The following DPYSL3 variants were observed in gnomAD, a reference collection of about 807,000 sequenced individuals.
The protein encoded by DPYSL3 is dihydropyrimidinase-related protein 3.
DPYSL3 carries 16 observed loss-of-function variants against 66.1 expected under a neutral mutation model. The observed-to-expected ratio is 0.24, with a 90% CI of 0.16 to 0.37. The LOEUF is 0.37. Ranked by LOEUF, DPYSL3 falls within the 10% of genes least tolerant of loss-of-function variation. DPYSL3 has a pLI of 1.00. For missense variants in DPYSL3, 738 were observed against 916.2 expected (o/e 0.81, Z 2.51); for synonymous variants, 338 against 345.1 (o/e 0.98, Z 0.23).
chr5:147,437,845 T>C lies in DPYSL3; in HGVS notation c.382-12882A>G, dbSNP rs987576368. On this transcript the variant is annotated intron_variant, in intron 1 of 13. Coordinates refer to ENST00000343218, the MANE Select transcript of DPYSL3 (RefSeq NM_001197294.2). ...AATAATATCTTTTTCAAAGGAATGC[T>C]GTGAGGATGAAGCCCAGATTCTCAA... Among the ~76,000 whole-genome samples the C allele has an allele frequency of 4.6e-5, 7 of 152,342 alleles. No individual in the cohort carries two copies. In the South Asian group the frequency reaches 1.2e-3, roughly 27 times the overall value.
chr5:147,413,248 T>C (rs763601168), intron 5 of DPYSL3, among the ~76,000 whole-genome samples: 2 of 152,106 alleles, frequency 1.3e-5, no homozygotes, highest in Non-Finnish European at 1.5e-5. Context: ...ATTATTCCAA[T>C]CAGCAGAAGG....
rs186816994 is a variant in DPYSL3, at chr5:147,471,918, C to T, written c.381+37560G>A. ...TTAGTCCAGGCGTTTACATCTCTCC[C>T]GCTCTCTCTTTCTTCTCCCACTCCT... On this transcript the variant is annotated intron_variant, in intron 1 of 13. Coordinates refer to ENST00000343218, the MANE Select transcript of DPYSL3 (RefSeq NM_001197294.2). Among the ~76,000 whole-genome samples, 85 of 152,254 alleles carry T rather than the reference C, an allele frequency of 5.6e-4. 1 individual carries two copies. The South Asian group carries it at 7.3e-3, about 13-fold the overall frequency.
chr5:147,467,547 C>CAT (rs1753028916), intron 1 of DPYSL3, among the ~76,000 whole-genome samples: 3 of 152,174 alleles, frequency 2.0e-5, no homozygotes, highest in Admixed American at 2.0e-4. Flanking sequence ...TAATAGAGTA[C>CAT]ATATACAGAA....
rs536053378 is a variant in DPYSL3, at chr5:147,440,919, A to G, written c.382-15956T>C. On this transcript the variant is annotated intron_variant, in intron 1 of 13. Transcript: ENST00000343218. ...TAGTTCTGCCAGTTAGTTAATAATG[A>G]TGTAACTTGAGGTAAATTAACTTTC... Among the ~76,000 whole-genome samples, 3 of 152,326 alleles carry G rather than the reference A, an allele frequency of 2.0e-5. No individual in the cohort carries two copies. The South Asian group carries it at 6.2e-4, about 32-fold the overall frequency.
At position 147,494,996 on chromosome 5, in the gene DPYSL3, C is replaced by T. The variant is rs547369037; in HGVS notation, c.381+14482G>A. ...CCTCGAAAGGCATAATTTGCCAAAACTCCCACAAGAAGAAATTGAAAATTT... is the reference window on the plus strand; with the variant it reads ...CCTCGAAAGGCATAATTTGCCAAAATTCCCACAAGAAGAAATTGAAAATTT... On this transcript the variant is annotated intron_variant, in intron 1 of 13. Transcript: ENST00000343218. Among the ~76,000 whole-genome samples the T allele has an allele frequency of 4.6e-5, 7 of 152,080 alleles. No individual in the cohort carries two copies. The South Asian group carries it at 1.5e-3, about 32-fold the overall frequency.
At chr5:147,431,218 T>TTCTAAGATAGTCCAG (rs1752309491) in intron 1 of DPYSL3, among the ~76,000 whole-genome samples, 1 of 152,188 alleles carries the variant, frequency 6.6e-6, no homozygotes, top group Non-Finnish European at 1.5e-5. Flanking sequence ...AAACCAGACA[T>TTCTAAGATAGTCCAG]TCTAAGATAG....
intron 6 of DPYSL3, among the ~76,000 whole-genome samples, chr5:147,410,613 T>C (rs779248316): frequency 4.6e-5 from 7 of 152,162 alleles, no homozygotes; most frequent in Non-Finnish European, 8.8e-5. Context: ...GCTTGGCGTA[T>C]AGTAGATGCT....
chr5:147,424,808 C>A, intron 2 of DPYSL3, 67 bp downstream of exon 2: 1 of 1,217,798 alleles, frequency 8.2e-7, no homozygotes, highest in South Asian at 1.4e-5. Context: ...GTAATCCAAC[C>A]TCCTTTATGA....
At chr5:147,472,791 G>A (rs1367095767) in intron 1 of DPYSL3, 3 of 151,914 alleles carry the variant, frequency 2.0e-5, no homozygotes, top group East Asian at 1.9e-4. Flanking sequence ...TCTGTACTAC[G>A]TCTCTTGCTT....
chr5:147,402,386 C>T lies in DPYSL3; in HGVS notation c.1154-690G>A, dbSNP rs1295058953. Among the ~76,000 whole-genome samples, 6 of 129,722 alleles carry T rather than the reference C, an allele frequency of 4.6e-5. 1 individual carries two copies. The highest frequency in any genetic ancestry group is 8.5e-5 in the African/African-American group (2 of 23,544). 85.1% of individuals were successfully genotyped at this position (129,722 alleles called of 152,430 possible). A position where few individuals can be genotyped will look rare whatever the true frequency, so the allele number is the denominator to read the frequency against. Reference sequence around the variant, plus strand: ...TTTTTGAGACGGAGTCTCGCTCTGTCGCCCAGGCTGGAGTGCAGTGGCGCG... The same window carrying T: ...TTTTTGAGACGGAGTCTCGCTCTGTTGCCCAGGCTGGAGTGCAGTGGCGCG... On this transcript the variant is annotated intron_variant, in intron 8 of 13. Transcript: ENST00000343218.
Position 147,410,906 on chromosome 5 carries a change from T to A in DPYSL3, c.963+1702A>T, listed in dbSNP as rs185936736. 7.9e-5 allele frequency among the ~76,000 whole-genome samples: 12 copies of A among 152,228 alleles called. 1 individual carries two copies. The highest frequency in any genetic ancestry group is 7.8e-4 in the Admixed American group (12 of 15,296). On this transcript the variant is annotated intron_variant, in intron 6 of 13. Coordinates refer to ENST00000343218, the MANE Select transcript of DPYSL3 (RefSeq NM_001197294.2). ...TACTCTTTTCCTGACTGAGAACAGATCTTCCCAAGGTAGGGAAATAGCAGC... is the reference window on the plus strand; with the variant it reads ...TACTCTTTTCCTGACTGAGAACAGAACTTCCCAAGGTAGGGAAATAGCAGC...
intron 3 of DPYSL3, 87 bp from the exon 4 acceptor site, chr5:147,415,960 G>T: frequency 7.0e-7 from 1 of 1,419,616 alleles, no homozygotes; most frequent in South Asian, 1.4e-5. Context: ...GCTTAGCTGT[G>T]ACTGCAGAAT....
chr5:147,411,012 C>T (rs1448827635), intron 6 of DPYSL3, among the ~76,000 whole-genome samples: 1 of 152,176 alleles, frequency 6.6e-6, no homozygotes, highest in Non-Finnish European at 1.5e-5. Context: ...GGATTGAAGT[C>T]CATCTGCCTC....
Position 147,503,601 on chromosome 5 carries a change from A to C in DPYSL3, c.381+5877T>G, listed in dbSNP as rs117951246. On this transcript the variant is annotated intron_variant, in intron 1 of 13. Coordinates refer to ENST00000343218, the MANE Select transcript of DPYSL3 (RefSeq NM_001197294.2). ...GCCACAATGCCCAGCCAGTCATAAGATATTAATGTGATATTTCCATATGTA... is the reference window on the plus strand; with the variant it reads ...GCCACAATGCCCAGCCAGTCATAAGCTATTAATGTGATATTTCCATATGTA... Among the ~76,000 whole-genome samples, 979 of 152,316 alleles carry C rather than the reference A, an allele frequency of 6.4e-3. 5 individuals are homozygous for C. Among genetic ancestry groups the C allele is most frequent in the Admixed American group, 0.012 (182 of 15,302 alleles).
chr5:147,479,366 G>A (rs867832911), intron 1 of DPYSL3, among the ~76,000 whole-genome samples: 3 of 152,246 alleles, frequency 2.0e-5, no homozygotes, highest in Middle Eastern at 6.8e-3. Flanking sequence ...CAGCGCCTTT[G>A]GCTGTATATT....
chr5:147,445,577 AC>A (rs1752615362), intron 1 of DPYSL3, among the ~76,000 whole-genome samples: 1 of 152,084 alleles, frequency 6.6e-6, no homozygotes, highest in African/African-American at 2.4e-5. Flanking sequence ...CAAAACAAAA[AC>A]CATCCCTATC....
At position 147,496,197 on chromosome 5, in the gene DPYSL3, T is replaced by G. The variant is rs554603130; in HGVS notation, c.381+13281A>C. 2.7e-3 allele frequency among the ~76,000 whole-genome samples: 408 copies of G among 152,278 alleles called. 2 individuals carry two copies. Among genetic ancestry groups the G allele is most frequent in the African/African-American group, 9.4e-3 (390 of 41,574 alleles). On this transcript the variant is annotated intron_variant, in intron 1 of 13. Coordinates refer to ENST00000343218, the MANE Select transcript of DPYSL3 (RefSeq NM_001197294.2). ...GTGCTGGGAAAACTGGCTAGCCATA[T>G]GTAGAAAGCTGAAACTGGATCCCTT...
At chr5:147,416,757 T>A (rs1429770587) in intron 3 of DPYSL3, among the ~76,000 whole-genome samples, 2 of 152,166 alleles carry the variant, frequency 1.3e-5, no homozygotes, top group Admixed American at 6.5e-5. Context: ...TATACAAAAT[T>A]TTGGTTCCAA....
intron 1 of DPYSL3, among the ~76,000 whole-genome samples, chr5:147,450,826 G>A (rs1200951990): frequency 1.3e-5 from 2 of 152,194 alleles, no homozygotes; most frequent in African/African-American, 4.8e-5. Flanking sequence ...TCCTCAGATT[G>A]TAGTGACACT....
Sources: gnomAD v4.1 joint callset for allele counts (sites outside exome capture counted in the v4.1 genomes callset) on GRCh38, gnomAD v4.1.1 for gene constraint, MANE v1.5 for transcripts, NCBI Gene and HGNC (gene_info 2026-07-23, HGNC 2026-07-21) for gene names.